The following SH3PXD2B variants were observed in gnomAD, a reference collection of about 807,000 sequenced individuals.
The protein encoded by SH3PXD2B is SH3 and PX domains 2B.
In SH3PXD2B, 37 loss-of-function variants were observed where a neutral mutation model predicts 73.1. That is an observed-to-expected ratio of 0.51 (90% CI 0.39 to 0.67). The LOEUF (loss-of-function observed/expected upper bound fraction) is 0.67, where lower values mean the gene tolerates loss of function less well. Ranked by LOEUF, SH3PXD2B falls within the 30% of genes least tolerant of loss-of-function variation. The probability of loss-of-function intolerance (pLI) is 0.00; values close to 1 mark genes in which losing one functional copy is unlikely to be tolerated. For missense variants in SH3PXD2B, 1,053 were observed against 1,197.8 expected (o/e 0.88, Z 1.78); for synonymous variants, 457 against 480.5 (o/e 0.95, Z 0.64).
At chr5:172,347,161 G>A in intron 11 of SH3PXD2B, 122 bp downstream of exon 11, 1 of 972,744 alleles carries the variant, frequency 1.0e-6, no homozygotes, top group East Asian at 2.5e-5. Context: ...TGCTTCACAA[G>A]GCTGTTGTGT....
chr5:172,410,611 T>C (rs1167373733), intron 2 of SH3PXD2B, among the ~76,000 whole-genome samples: 1 of 152,056 alleles, frequency 6.6e-6, no homozygotes, highest in Non-Finnish European at 1.5e-5. Flanking sequence ...AAAACTAAAG[T>C]TTACTGATTA....
chr5:172,325,620 G>A (rs960035607), intron 12 of SH3PXD2B, among the ~76,000 whole-genome samples: 1 of 152,172 alleles, frequency 6.6e-6, no homozygotes, highest in Admixed American at 6.5e-5. Flanking sequence ...AGGGCAAATG[G>A]GGGATGATCG....
intron 4 of SH3PXD2B, among the ~76,000 whole-genome samples, chr5:172,388,891 C>G (rs973909018): frequency 6.6e-6 from 1 of 152,210 alleles, no homozygotes. Flanking sequence ...CAAGGAAGAG[C>G]TGAACCTTCT....
chr5:172,333,024 C>T (rs1756592588), downstream of SH3PXD2B, among the ~76,000 whole-genome samples: 1 of 151,836 alleles, frequency 6.6e-6, no homozygotes, highest in Admixed American at 6.6e-5. Flanking sequence ...CAACCTCCGC[C>T]TCCCGGGTTC....
intron 4 of SH3PXD2B, 43 bp from the exon 5 acceptor site, chr5:172,382,170 G>A (rs1757963683): frequency 6.7e-7 from 1 of 1,498,764 alleles, no homozygotes; most frequent in African/African-American, 1.4e-5. Context: ...AGGAGAGGGG[G>A]CTGAGCATGG....
intron 4 of SH3PXD2B, among the ~76,000 whole-genome samples, chr5:172,385,992 C>T (rs1329059092): frequency 6.6e-6 from 1 of 152,232 alleles, no homozygotes; most frequent in Non-Finnish European, 1.5e-5. Flanking sequence ...AAACTCAGTC[C>T]TGTTCTGGAA....
intron 6 of SH3PXD2B, among the ~76,000 whole-genome samples, chr5:172,369,314 A>G (rs936619606): frequency 2.6e-5 from 4 of 151,738 alleles, no homozygotes; most frequent in Non-Finnish European, 4.4e-5. Flanking sequence ...AAGAATTATT[A>G]TTATTATTGG....
intron 1 of SH3PXD2B, among the ~76,000 whole-genome samples, chr5:172,424,992 C>T (rs977408965): frequency 2.0e-5 from 3 of 152,122 alleles, no homozygotes; most frequent in Non-Finnish European, 4.4e-5. Context: ...TCCTTGTTTG[C>T]GCTCCCCGTT....
At chr5:172,392,373 G>A (rs1323352127) in intron 4 of SH3PXD2B, among the ~76,000 whole-genome samples, 1 of 152,178 alleles carries the variant, frequency 6.6e-6, no homozygotes, top group Non-Finnish European at 1.5e-5. Context: ...CTCCAGAACT[G>A]TAGGAAACTA....
At chr5:172,388,203 T>C (rs1444663980) in intron 4 of SH3PXD2B, among the ~76,000 whole-genome samples, 2 of 152,246 alleles carry the variant, frequency 1.3e-5, no homozygotes, top group East Asian at 1.9e-4. Context: ...GTTTCTTCCA[T>C]TGTAATATAA....
chr5:172,352,530 CCTG>C (rs1757178262), intron 9 of SH3PXD2B, among the ~76,000 whole-genome samples: 1 of 152,174 alleles, frequency 6.6e-6, no homozygotes, highest in African/African-American at 2.4e-5. Flanking sequence ...CAGGCCCATG[CCTG>C]CTATTTGATA....
chr5:172,330,872 C>T (rs1315864887), downstream of SH3PXD2B, among the ~76,000 whole-genome samples: 1 of 152,224 alleles, frequency 6.6e-6, no homozygotes, highest in Admixed American at 6.5e-5. Flanking sequence ...CATCTATAAA[C>T]TTCTCAACTA....
intron 1 of SH3PXD2B, among the ~76,000 whole-genome samples, chr5:172,432,528 A>C (rs764290074): frequency 1.3e-5 from 2 of 152,198 alleles, no homozygotes; most frequent in African/African-American, 4.8e-5. Context: ...GCACGTGCCC[A>C]TGTCCGAAAA....
At chr5:172,376,576 C>CTA (rs1220232447) in intron 5 of SH3PXD2B, among the ~76,000 whole-genome samples, 1 of 152,206 alleles carries the variant, frequency 6.6e-6, no homozygotes, top group African/African-American at 2.4e-5. Context: ...AGAGCAGGGG[C>CTA]TACAGTCCTC....
intron 1 of SH3PXD2B, among the ~76,000 whole-genome samples, chr5:172,434,579 T>C (rs1759323336): frequency 6.6e-6 from 1 of 152,220 alleles, no homozygotes; most frequent in Non-Finnish European, 1.5e-5. Context: ...TAAAAAGTTT[T>C]TGCCCTGCTA....
At position 172,334,682 on chromosome 5, in the gene SH3PXD2B, G is replaced by A. The variant is rs113110939; in HGVS notation, c.*3687C>T. ...ATGTTTTTGTTCTTGATGTCAAGTT[G>A]CCAGCTACTGGAAGGCAGGAGCAGT... On this transcript the variant is annotated 3_prime_UTR_variant, in exon 13 of 13. Transcript: ENST00000311601. The A allele has an allele frequency of 5.5e-4, 544 of 985,530 alleles. 4 individuals are homozygous for A. The African/African-American group carries it at 8.9e-3, about 16-fold the overall frequency. 61.0% of individuals were successfully genotyped at this position (985,530 alleles called of 1,614,324 possible).
At chr5:172,341,962 T>G (rs909040235) in intron 12 of SH3PXD2B, among the ~76,000 whole-genome samples, 1 of 152,150 alleles carries the variant, frequency 6.6e-6, no homozygotes, top group Non-Finnish European at 1.5e-5. Flanking sequence ...CAGCCAGGTA[T>G]TTCTTTATAG....
At chr5:172,340,754 CT>C (rs1378310424) in intron 12 of SH3PXD2B, among the ~76,000 whole-genome samples, 1 of 152,180 alleles carries the variant, frequency 6.6e-6, no homozygotes, top group African/African-American at 2.4e-5. Flanking sequence ...ACCACCACAC[CT>C]GGCTAATTTT....
At chr5:172,427,237 G>A (rs190655646) in intron 1 of SH3PXD2B, among the ~76,000 whole-genome samples, 192 of 152,302 alleles carry the variant, frequency 1.3e-3, no homozygotes, top group African/African-American at 4.2e-3. Context: ...GAAATAAGCC[G>A]GTCACAATAG....
Sources: allele counts gnomAD v4.1 joint callset (sites outside exome capture counted in the v4.1 genomes callset), GRCh38; gene constraint gnomAD v4.1.1; transcripts MANE v1.5; gene names NCBI Gene and HGNC (gene_info 2026-07-23, HGNC 2026-07-21).